The following LCLAT1 variants were observed in gnomAD, a reference collection of about 807,000 sequenced individuals.
The protein encoded by LCLAT1 is 1-AGP acyltransferase 8.
A neutral mutation model predicts 30.7 loss-of-function variants in LCLAT1; 11 were observed. The observed-to-expected ratio is 0.36, with a 90% CI of 0.23 to 0.59. The LOEUF is 0.59. Among genes scored for constraint, LCLAT1 ranks in the 20% least tolerant of loss-of-function variants. LCLAT1 has a pLI of 0.77. For missense variants in LCLAT1, 402 were observed against 458.6 expected (o/e 0.88, Z 1.13); for synonymous variants, 155 against 151.3 (o/e 1.02, Z -0.18).
chr2:30,518,286 T>C (rs1035521415), intron 1 of LCLAT1, among the ~76,000 whole-genome samples: 3 of 152,310 alleles, frequency 2.0e-5, no homozygotes, highest in African/African-American at 7.2e-5. Flanking sequence ...TAGGAGGAAC[T>C]TCCTTGAGGA....
intron 1 of LCLAT1, among the ~76,000 whole-genome samples, chr2:30,512,048 T>TC (rs1684963757): frequency 6.6e-6 from 1 of 152,228 alleles, no homozygotes; most frequent in African/African-American, 2.4e-5. Context: ...CTTTCTGCTT[T>TC]CCAGCTTTTA....
chr2:30,640,083 G>A (rs1295504860), intron 5 of LCLAT1, 34 bp from the exon 6 acceptor site: 18 of 1,563,742 alleles, frequency 1.2e-5, no homozygotes, highest in Non-Finnish European at 1.6e-5. Context: ...ATTGAGCACT[G>A]CTTAATCTAT....
intron 5 of LCLAT1, among the ~76,000 whole-genome samples, chr2:30,579,581 A>C (rs1572651216): frequency 6.6e-6 from 1 of 152,138 alleles, no homozygotes; most frequent in Non-Finnish European, 1.5e-5. Context: ...GAATTTAGGG[A>C]ATAGGACTTT....
At chr2:30,482,627 G>A (rs1683375732) in intron 1 of LCLAT1, among the ~76,000 whole-genome samples, 1 of 152,120 alleles carries the variant, frequency 6.6e-6, no homozygotes, top group South Asian at 2.1e-4. Context: ...GTTACTGGAA[G>A]ATAAAGCATT....
At chr2:30,514,208 G>A (rs1685073714) in intron 1 of LCLAT1, among the ~76,000 whole-genome samples, 1 of 152,236 alleles carries the variant, frequency 6.6e-6, no homozygotes, top group Non-Finnish European at 1.5e-5. Context: ...TTGTTTGGAT[G>A]AGGTGAGAAT....
At chr2:30,594,345 A>G (rs1196918603) in intron 5 of LCLAT1, among the ~76,000 whole-genome samples, 1 of 152,178 alleles carries the variant, frequency 6.6e-6, no homozygotes, top group African/African-American at 2.4e-5. Flanking sequence ...AGAGGCTTAC[A>G]GCGAACACCC....
chr2:30,576,537 T>C (rs1300103125), intron 5 of LCLAT1, among the ~76,000 whole-genome samples: 1 of 152,158 alleles, frequency 6.6e-6, no homozygotes, highest in East Asian at 1.9e-4. Flanking sequence ...CCTGTTCATA[T>C]GAAAATCAAA....
At chr2:30,538,915 A>G (rs1663962781) in intron 3 of LCLAT1, among the ~76,000 whole-genome samples, 2 of 152,084 alleles carry the variant, frequency 1.3e-5, no homozygotes, top group Non-Finnish European at 2.9e-5. Flanking sequence ...AGAAAAGCTC[A>G]GCACCAGATG....
chr2:30,618,620 A>C (rs13419209), intron 5 of LCLAT1, among the ~76,000 whole-genome samples: 19,945 of 152,096 alleles, frequency 0.13, 1,421 homozygotes, highest in South Asian at 0.23. Context: ...GGACTTAATA[A>C]CTGGGTGATG....
intron 5 of LCLAT1, among the ~76,000 whole-genome samples, chr2:30,571,883 A>G (rs1205691616): frequency 2.6e-5 from 4 of 152,138 alleles, no homozygotes; most frequent in Non-Finnish European, 5.9e-5. Context: ...ATTTTTGTAG[A>G]TTAGTAGCTG....
chr2:30,528,524 A>G (rs560100180), intron 2 of LCLAT1, among the ~76,000 whole-genome samples: 1 of 152,324 alleles, frequency 6.6e-6, no homozygotes, highest in Non-Finnish European at 1.5e-5. Flanking sequence ...GTTTAAAGAT[A>G]GATATTTTTA....
chr2:30,611,460 TC>T (rs1667736263), intron 5 of LCLAT1, among the ~76,000 whole-genome samples: 1 of 152,120 alleles, frequency 6.6e-6, no homozygotes, highest in Non-Finnish European at 1.5e-5. Context: ...TGTGGAACTT[TC>T]TGAGGTCCCA....
chr2:30,644,009 T>G lies in LCLAT1; in HGVS notation c.*3390T>G, dbSNP rs1020927115. ...TACCTGATAAGCTTCAGATTAGATA[T>G]AGCCCTAAAGTTATCCTGTACCTGC... On this transcript the variant is annotated 3_prime_UTR_variant, in exon 6 of 6. Coordinates refer to ENST00000379509, the MANE Select transcript of LCLAT1 (RefSeq NM_001002257.3). 2 of 152,410 alleles carry G rather than the reference T, an allele frequency of 1.3e-5. No homozygotes were observed. The highest frequency in any genetic ancestry group is 3.9e-4 in the East Asian group (2 of 5,188). The allele number at this position is 152,410 out of a possible 1,614,324, so 9.4% of individuals were successfully genotyped here. A position where few individuals can be genotyped will look rare whatever the true frequency, so the allele number is the denominator to read the frequency against.
intron 1 of LCLAT1, among the ~76,000 whole-genome samples, chr2:30,519,386 C>T (rs1291084829): frequency 2.6e-5 from 4 of 152,162 alleles, no homozygotes; most frequent in South Asian, 2.1e-4. Flanking sequence ...GCTCCCCTAC[C>T]GAGGAAATCT....
chr2:30,537,484 AG>A (rs1178393631), intron 3 of LCLAT1, among the ~76,000 whole-genome samples: 1 of 149,868 alleles, frequency 6.7e-6, no homozygotes, highest in African/African-American at 2.5e-5. Flanking sequence ...ATAGTGATAA[AG>A]GGATCAATTC....
intron 4 of LCLAT1, among the ~76,000 whole-genome samples, chr2:30,566,402 C>T (rs952966864): frequency 3.0e-4 from 46 of 152,066 alleles, no homozygotes; most frequent in African/African-American, 1.1e-3. Flanking sequence ...TAGCCCCATG[C>T]CCAGGATATC....
rs545985614 is a variant in LCLAT1 at position 30,456,575 on chromosome 2, G to A, written c.-5+9192G>A. Among the ~76,000 whole-genome samples the A allele has an allele frequency of 2.6e-5, 4 of 152,202 alleles. No homozygotes were observed. In the South Asian group the frequency reaches 8.3e-4, roughly 32 times the overall value. ...CTGTTGTGGGTGGGGGTGGGCCACG[G>A]TTTTTTTCTGTGATATTGGCTGGAG... On this transcript the variant is annotated intron_variant, in intron 1 of 5. Coordinates refer to ENST00000379509, the MANE Select transcript of LCLAT1 (RefSeq NM_001002257.3).
intron 2 of LCLAT1, among the ~76,000 whole-genome samples, chr2:30,526,964 C>G (rs1685749817): frequency 6.6e-6 from 1 of 152,092 alleles, no homozygotes; most frequent in African/African-American, 2.4e-5. Flanking sequence ...CATTGCAACC[C>G]TAAACATACC....
chr2:30,568,505 CTT>C lies in LCLAT1; in HGVS notation c.628+348_628+349del, dbSNP rs35285466. 5.5e-3 allele frequency among the ~76,000 whole-genome samples: 472 copies of C among 85,342 alleles called. 2 individuals carry two copies. Among genetic ancestry groups the C allele is most frequent in the African/African-American group, 0.018 (376 of 20,840 alleles). 56.0% of individuals were successfully genotyped at this position (85,342 alleles called of 152,430 possible). ...CCAAGTGGCAAAAATGTCTTTCTTT[CTT>C]TTTTTTTTTTTTTTTTTTGAGATGG... is the stretch of plus-strand genomic sequence containing the variant. On this transcript the variant is annotated intron_variant, in intron 5 of 5. Coordinates refer to ENST00000379509, the MANE Select transcript of LCLAT1 (RefSeq NM_001002257.3).
Sources: gnomAD v4.1 joint callset for allele counts (sites outside exome capture counted in the v4.1 genomes callset) on GRCh38, gnomAD v4.1.1 for gene constraint, MANE v1.5 for transcripts, NCBI Gene and HGNC (gene_info 2026-07-23, HGNC 2026-07-21) for gene names.